TENM2: variants seen among roughly 807,000 people sequenced by gnomAD.
TENM2 encodes the protein teneurin-2.
Under a neutral mutation model 245.2 loss-of-function variants are expected in TENM2, and 52 were observed. The ratio of observed to expected loss-of-function variants is 0.21; its 90% confidence interval spans 0.17 to 0.27. The LOEUF (loss-of-function observed/expected upper bound fraction) is 0.27, where lower values mean the gene tolerates loss of function less well. Ranked by LOEUF, TENM2 falls within the 10% of genes least tolerant of loss-of-function variation. The pLI is 1.00. For synonymous variants in TENM2, 1,363 were observed against 1,438.9 expected, an observed-to-expected ratio of 0.95 and a Z score of 1.19; for missense variants, 3,046 against 3,666.8, an observed-to-expected ratio of 0.83 and a Z score of 4.37.
At chr5:168,140,630 AT>A (rs1755461439) in intron 12 of TENM2, among the ~76,000 whole-genome samples, 1 of 152,190 alleles carries the variant, frequency 6.6e-6, no homozygotes, top group Non-Finnish European at 1.5e-5. Context: ...TGCATTGGTC[AT>A]TGGTCTAATG....
the TENM2 span, among the ~76,000 whole-genome samples, chr5:167,043,988 C>G: frequency 2.0e-5 from 3 of 150,350 alleles, no homozygotes; most frequent in Non-Finnish European, 4.4e-5. Context: ...CCACTGCACT[C>G]CAGCCTGGTG....
intron 1 of TENM2, among the ~76,000 whole-genome samples, chr5:167,319,921 C>T (rs1322298067): frequency 6.6e-6 from 1 of 152,152 alleles, no homozygotes; most frequent in Non-Finnish European, 1.5e-5. Flanking sequence ...AATCTTTGAC[C>T]ATTCATTCTG....
At chr5:167,692,417 G>A (rs1053815993) in intron 2 of TENM2, among the ~76,000 whole-genome samples, 4 of 152,082 alleles carry the variant, frequency 2.6e-5, no homozygotes, top group Admixed American at 6.6e-5. Context: ...CATTTGTTTG[G>A]GGTGAACCTG....
At chr5:167,076,906 C>T in the TENM2 span, among the ~76,000 whole-genome samples, 1 of 151,974 alleles carries the variant, frequency 6.6e-6, no homozygotes, top group Non-Finnish European at 1.5e-5. Context: ...AGTGGTGCGA[C>T]CTTGGCTCAC....
At chr5:168,102,862 C>G (rs988798785) in intron 9 of TENM2, among the ~76,000 whole-genome samples, 1 of 152,156 alleles carries the variant, frequency 6.6e-6, no homozygotes, top group African/African-American at 2.4e-5. Flanking sequence ...GTCTTCATAT[C>G]AATGATATGA....
intron 24 of TENM2, 150 bp downstream of exon 26, chr5:168,226,413 A>C: frequency 3.1e-6 from 2 of 649,438 alleles, no homozygotes; most frequent in Non-Finnish European, 5.3e-6. Context: ...TCCACAGCAA[A>C]CTATAAGAGG....
intron 8 of TENM2, 95 bp downstream of exon 10, chr5:168,090,864 A>G: frequency 2.7e-6 from 3 of 1,107,428 alleles, no homozygotes; most frequent in Non-Finnish European, 4.0e-6. Flanking sequence ...GGTAGTTTCT[A>G]CTACAGATGA....
chr5:167,152,119 C>T, the TENM2 span, among the ~76,000 whole-genome samples: 1 of 152,174 alleles, frequency 6.6e-6, no homozygotes, highest in Admixed American at 6.5e-5. Flanking sequence ...AGACAAGACA[C>T]TAGGCATGCT....
At chr5:167,072,252 A>C in the TENM2 span, among the ~76,000 whole-genome samples, 1 of 152,100 alleles carries the variant, frequency 6.6e-6, no homozygotes, top group Non-Finnish European at 1.5e-5. Context: ...ATTAGAGCTA[A>C]TTGTTTTCAA....
At chr5:167,405,784 A>ACACACACACACACACG (rs1762605535) in intron 2 of TENM2, among the ~76,000 whole-genome samples, 1 of 151,344 alleles carries the variant, frequency 6.6e-6, no homozygotes, top group Non-Finnish European at 1.5e-5. Flanking sequence ...ACACACACAC[A>ACACACACACACACACG]CACACACACA....
chr5:167,864,809 CAATA>C (rs2151307333), intron 2 of TENM2, among the ~76,000 whole-genome samples: 1 of 152,162 alleles, frequency 6.6e-6, no homozygotes, highest in African/African-American at 2.4e-5. Context: ...AGATTAAATA[CAATA>C]ATATATGTAA....
chr5:167,973,367 G>A (rs910262055), intron 4 of TENM2, among the ~76,000 whole-genome samples: 2 of 152,192 alleles, frequency 1.3e-5, no homozygotes, highest in African/African-American at 4.8e-5. Context: ...ATTACCAGCT[G>A]TGTTCATAGG....
intron 2 of TENM2, among the ~76,000 whole-genome samples, chr5:167,845,206 A>C: frequency 6.7e-6 from 1 of 150,042 alleles, no homozygotes; most frequent in Admixed American, 6.7e-5. Flanking sequence ...CACCATCATT[A>C]TTACCCCTTC....
At chr5:167,852,713 A>C (rs750957296) in intron 2 of TENM2, among the ~76,000 whole-genome samples, 1 of 152,186 alleles carries the variant, frequency 6.6e-6, no homozygotes, top group Non-Finnish European at 1.5e-5. Context: ...CCAAATCTGC[A>C]TGATCGGCTC....
rs115181961 is a variant in TENM2 at position 168,126,686 on chromosome 5, G to A, written c.2210-68G>A. 881 of 1,350,780 alleles carry A rather than the reference G, an allele frequency of 6.5e-4. 1 individual carries two copies. The African/African-American group carries it at 9.4e-3, about 14-fold the overall frequency. The allele number at this position is 1,350,780 out of a possible 1,614,324, so 83.7% of individuals were successfully genotyped here. On this transcript the variant is annotated intron_variant, in intron 11 of 28. Transcript: ENST00000518659. Reference sequence around the variant, plus strand: ...TGCTCCAGGGGTCTGGGCCATGTGCGTGGTCTGGACTCCATGGAAGGTTTC... The same window carrying A: ...TGCTCCAGGGGTCTGGGCCATGTGCATGGTCTGGACTCCATGGAAGGTTTC...
rs1019289028 is a variant in TENM2 at position 167,609,634 on chromosome 5, G to A, written c.502+234161G>A. Among the ~76,000 whole-genome samples, 8 of 152,134 alleles carry A rather than the reference G, an allele frequency of 5.3e-5. No homozygotes were observed. In the South Asian group the frequency reaches 1.7e-3, roughly 32 times the overall value. ...GAAGACTAAATCATGGTTTGAGGGA[G>A]TGAACTTCCGGTAGGGCACACGAAG... On this transcript the variant is annotated intron_variant, in intron 2 of 28. Coordinates refer to ENST00000518659, the Ensembl canonical transcript of TENM2.
At chr5:167,764,390 C>T (rs954732809) in intron 2 of TENM2, among the ~76,000 whole-genome samples, 1 of 152,102 alleles carries the variant, frequency 6.6e-6, no homozygotes, top group Non-Finnish European at 1.5e-5. Flanking sequence ...ATTAACTTAG[C>T]AATTTAATTT....
rs566008344 is a variant in TENM2 at position 167,887,301 on chromosome 5, C to G, written c.712+11106C>G. Reference sequence around the variant, plus strand: ...TAAAGACAAGGGTCATTTCTTTGGTCTTTTTGTGTCCCTTAGCACATGGTG... The same window carrying G: ...TAAAGACAAGGGTCATTTCTTTGGTGTTTTTGTGTCCCTTAGCACATGGTG... On this transcript the variant is annotated intron_variant, in intron 3 of 28. Transcript: ENST00000518659. Among the ~76,000 whole-genome samples, 11 of 152,354 alleles carry G rather than the reference C, an allele frequency of 7.2e-5. No individual in the cohort carries two copies. In the South Asian group the frequency reaches 2.3e-3, roughly 32 times the overall value.
At chr5:168,089,943 C>T (rs1792780437) in intron 7 of TENM2, among the ~76,000 whole-genome samples, 1 of 152,148 alleles carries the variant, frequency 6.6e-6, no homozygotes, top group East Asian at 1.9e-4. Context: ...AACCAAGGCA[C>T]AGACAGGAGA....
Sources: allele counts gnomAD v4.1 joint callset (sites outside exome capture counted in the v4.1 genomes callset), GRCh38; gene constraint gnomAD v4.1.1; transcripts MANE v1.5; gene names NCBI Gene and HGNC (gene_info 2026-07-23, HGNC 2026-07-21).